Variants in NLGN2 observed in about 807,000 individuals in gnomAD.
NLGN2 encodes neuroligin-2.
Under a neutral mutation model 48.6 loss-of-function variants are expected in NLGN2, and 11 were observed. That is an observed-to-expected ratio of 0.23 (90% CI 0.14 to 0.37). The LOEUF (loss-of-function observed/expected upper bound fraction) is 0.37. NLGN2 is among the 10% of genes least tolerant of loss of function. The probability of loss-of-function intolerance (pLI) is 1.00; values close to 1 mark genes in which losing one functional copy is unlikely to be tolerated. For synonymous variants in NLGN2, 548 were observed against 550.0 expected, an observed-to-expected ratio of 1.00 and a Z score of 0.05; for missense variants, 801 against 1,225.2, an observed-to-expected ratio of 0.65 and a Z score of 5.17.
Position 7,415,758 on chromosome 17 carries a change from G to C in NLGN2, c.1285G>C (p.Glu429Gln). Residue 429 changes from glutamate (E) to glutamine (Q), a missense_variant, in exon 6 of 7, where the codon GAG becomes CAG. Around this residue, in one of 5 missense-constraint regions of NLGN2, gnomAD observed 303 missense variants for 600.1 expected, o/e 0.50. Transcript: ENST00000302926. ...GYPEGKDVLR[E>Q]TIKFMYTDWA... ...CCCGGAAGGCAAGGATGTGCTTCGG[G>C]AGACCATCAAGTTTATGTACACAGA... The C allele has an allele frequency of 6.2e-7, 1 of 1,614,246 alleles. No homozygotes were observed.
At chr17:7,414,274 T>A in intron 2 of NLGN2, 70 bp from the exon 3 acceptor site, 1 of 1,475,768 alleles carries the variant, frequency 6.8e-7, no homozygotes, top group Non-Finnish European at 9.4e-7. Flanking sequence ...AGCTGGGCGC[T>A]GCTGCTTCCG....
intron 2 of NLGN2, 41 bp from the exon 3 acceptor site, chr17:7,414,303 C>T (rs1424998808): frequency 1.3e-6 from 2 of 1,522,082 alleles, no homozygotes; most frequent in Non-Finnish European, 1.8e-6. Flanking sequence ...GTGTCCTTGT[C>T]CCTGACCCCC....
rs1426480598 is a variant in NLGN2 at position 7,411,718 on chromosome 17, C to T, written c.458-439C>T. 6.6e-6 allele frequency among the ~76,000 whole-genome samples: 1 copy of T among 152,198 alleles called. No individual in the cohort carries two copies. Among genetic ancestry groups the T allele is most frequent in the African/African-American group, 2.4e-5 (1 of 41,436 alleles). ...CTGAAGGGGGCCTTCTGAGAGGTGG[C>T]CTGGGTGGCAAGCTGGCCTTGGTCT... is the stretch of plus-strand genomic sequence containing the variant. On this transcript the variant is annotated intron_variant, in intron 1 of 6. Coordinates refer to ENST00000302926, the MANE Select transcript of NLGN2 (RefSeq NM_020795.4). This position sits in a 1 kb window ranked among gnomAD's most constrained non-coding sequence, Gnocchi z 4.5.
chr17:7,407,172 C>CTTCCCGTCT (rs1367670902), upstream of NLGN2, among the ~76,000 whole-genome samples: 1 of 152,208 alleles, frequency 6.6e-6, no homozygotes, highest in African/African-American at 2.4e-5. Flanking sequence ...AAGCCAGCCC[C>CTTCCCGTCT]TTCCCGTCTT....
chr17:7,417,330 T>G lies in NLGN2; in HGVS notation c.2039T>G (p.Val680Gly). Reference sequence around the variant, plus strand: ...TACTCCACGGAGCTGAGCGTCACCGTGGCCGTGGGTGCCTCCCTCCTCTTC... The same window carrying G: ...TACTCCACGGAGCTGAGCGTCACCGGGGCCGTGGGTGCCTCCCTCCTCTTC... Reference protein sequence around the residue: ...RDYSTELSVTVAVGASLLFLN... With the variant: ...RDYSTELSVTGAVGASLLFLN... Residue 680 changes from valine to glycine, a missense_variant, in exon 7 of 7, where the codon GTG (valine) becomes GGG (glycine). Physicochemically the swap from Val to Gly is moderately radical, Grantham distance 109 (BLOSUM62 -3). Around this residue, in one of 5 missense-constraint regions of NLGN2, gnomAD observed 276 missense variants for 313.9 expected, o/e 0.88. Transcript: ENST00000302926. 1 of 1,610,896 alleles carries G rather than the reference T, an allele frequency of 6.2e-7. No homozygotes were observed. Among genetic ancestry groups the G allele is most frequent in the Non-Finnish European group, 8.5e-7 (1 of 1,179,028 alleles).
chr17:7,416,779 GTC>G, intron 6 of NLGN2, 145 bp from the exon 7 acceptor site: 3 of 962,532 alleles, frequency 3.1e-6, no homozygotes, highest in Non-Finnish European at 4.8e-6. Context: ...ATCCATCTGT[GTC>G]TCTCTGCCTC....
Position 7,417,319 on chromosome 17 carries a change from G to A in NLGN2, c.2028G>A (p.Leu676=). The A allele has an allele frequency of 1.2e-6, 2 of 1,610,518 alleles. No individual in the cohort carries two copies. The change falls in exon 7 of 7, where the codon CTG becomes CTA. Residue 676 remains leucine, a synonymous_variant. Transcript: ENST00000302926. ...ACTCACGGGACTACTCCACGGAGCTGAGCGTCACCGTGGCCGTGGGTGCCT... is the reference window on the plus strand; with the variant it reads ...ACTCACGGGACTACTCCACGGAGCTAAGCGTCACCGTGGCCGTGGGTGCCT... The part of the protein sequence containing the change: ...PGDSRDYSTE[L]SVTVAVGASL...
intron 4 of NLGN2, 53 bp downstream of exon 4, chr17:7,414,901 C>A: frequency 4.3e-6 from 7 of 1,613,504 alleles, no homozygotes; most frequent in South Asian, 2.2e-5. Context: ...CCAACTCCCC[C>A]CTCTCCTTCA....
chr17:7,416,682 C>T (rs537459287), intron 6 of NLGN2, among the ~76,000 whole-genome samples: 13 of 152,224 alleles, frequency 8.5e-5, no homozygotes, highest in African/African-American at 3.1e-4. Context: ...GCCCCTCTGC[C>T]CGCATTTCTG....
upstream of NLGN2, among the ~76,000 whole-genome samples, chr17:7,404,665 G>T (rs1402306392): frequency 1.3e-5 from 2 of 151,658 alleles, no homozygotes; most frequent in African/African-American, 2.4e-5. Context: ...GACCGCGAGA[G>T]CCCCGAGGGT....
In NLGN2 at chr17:7,414,290, A is replaced by G. The variant is rs1907006915; in HGVS notation, c.509-54A>G. On this transcript the variant is annotated intron_variant, in intron 2 of 6. Transcript: ENST00000302926. ...GCTGGGCGCTGCTGCTTCCGGTCTGACTGTGTCCTTGTCCCTGACCCCCTG... is the reference window on the plus strand; with the variant it reads ...GCTGGGCGCTGCTGCTTCCGGTCTGGCTGTGTCCTTGTCCCTGACCCCCTG... 5.3e-6 allele frequency: 8 copies of G among 1,523,502 alleles called. No homozygotes were observed. In the East Asian group the frequency reaches 1.8e-4, roughly 35 times the overall value. 94.4% of individuals were successfully genotyped at this position (1,523,502 alleles called of 1,614,324 possible). A position where few individuals can be genotyped will look rare whatever the true frequency, so the allele number is the denominator to read the frequency against.
Position 7,417,808 on chromosome 17 carries a change from TG to T in NLGN2, c.*13del. On this transcript the variant is annotated 3_prime_UTR_variant, in exon 7 of 7. Coordinates refer to ENST00000302926, the MANE Select transcript of NLGN2 (RefSeq NM_020795.4). ...CCACCACTCGGGTATAGGGGGTGGG[TG>T]GGGAGGCCCTCCTCCCCGGCCCTCC... is the stretch of plus-strand genomic sequence containing the variant. The T allele has an allele frequency of 1.5e-6, 2 of 1,316,926 alleles. No homozygotes were observed. The highest frequency in any genetic ancestry group is 9.6e-7 in the Non-Finnish European group (1 of 1,042,030). The allele number at this position is 1,316,926 out of a possible 1,614,324, so 81.6% of individuals were successfully genotyped here.
rs1163468862 is a variant in NLGN2 at position 7,415,960 on chromosome 17, C to T, written c.1487C>T (p.Ala496Val). 2.5e-6 allele frequency: 4 copies of T among 1,614,152 alleles called. No homozygotes were observed. Among genetic ancestry groups the T allele is most frequent in the South Asian group, 1.1e-5 (1 of 91,088 alleles). The part of the protein sequence containing the change: ...HCQAEGRPEW[A>V]DAAHGDELPY... ...CAGGCGGAGGGCCGGCCTGAGTGGGCAGATGCGGCGCACGGGGATGAACTG... is the reference window on the plus strand; with the variant it reads ...CAGGCGGAGGGCCGGCCTGAGTGGGTAGATGCGGCGCACGGGGATGAACTG... The change falls in exon 6 of 7, where the codon GCA becomes GTA. Residue 496 changes from alanine (A) to valine (V), a missense_variant. By Grantham distance (64) the Ala-to-Val change is moderately conservative. Coordinates refer to ENST00000302926, the MANE Select transcript of NLGN2 (RefSeq NM_020795.4).
chr17:7,414,307 G>GT, intron 2 of NLGN2, 37 bp from the exon 3 acceptor site: 1 of 1,502,152 alleles, frequency 6.7e-7, no homozygotes, highest in Non-Finnish European at 8.9e-7. Context: ...CCTTGTCCCT[G>GT]ACCCCCTGGC....
In NLGN2 at chr17:7,408,422, G is replaced by T. The variant is rs748193697; in HGVS notation, c.167G>T (p.Arg56Leu). The change falls in exon 1 of 7, where the codon CGC becomes CTC. Residue 56 changes from arginine to leucine, a missense_variant. Coordinates refer to ENST00000302926, the MANE Select transcript of NLGN2 (RefSeq NM_020795.4). The surrounding 1 kb of genome is among the most constrained non-coding windows in gnomAD (Gnocchi z 7.5). ...TAYGRVRGVR[R>L]ELNNEILGPV... ...TACGGGCGAGTGCGCGGTGTGCGGC[G>T]CGAGCTCAACAACGAGATCCTGGGC... is the stretch of plus-strand genomic sequence containing the variant. The T allele has an allele frequency of 1.3e-6, 2 of 1,568,856 alleles. No individual in the cohort carries two copies. The highest frequency in any genetic ancestry group is 2.3e-5 in the South Asian group (2 of 86,326).
At position 7,408,377 on chromosome 17, in the gene NLGN2, T is replaced by C; in HGVS notation, c.122T>C (p.Phe41Ser). Residue 41 changes from phenylalanine to serine, a missense_variant, in exon 1 of 7, where the codon TTC becomes TCC. Physicochemically the swap from Phe to Ser is radical, Grantham distance 155 (BLOSUM62 -2). Around this residue, in one of 5 missense-constraint regions of NLGN2, gnomAD observed 164 missense variants for 186.2 expected, o/e 0.88. Coordinates refer to ENST00000302926, the MANE Select transcript of NLGN2 (RefSeq NM_020795.4). The surrounding 1 kb of genome is among the most constrained non-coding windows in gnomAD (Gnocchi z 7.5). ...CTCGGCAGCCTCGGCGAGGAGCGCT[T>C]CCCGGTGGTGAACACGGCCTACGGG... ...LGLGSLGEER[F>S]PVVNTAYGRV... 1 of 1,523,008 alleles carries C rather than the reference T, an allele frequency of 6.6e-7. No homozygotes were observed. The highest frequency in any genetic ancestry group is 8.8e-7 in the Non-Finnish European group (1 of 1,140,368). 94.3% of individuals were successfully genotyped at this position (1,523,008 alleles called of 1,614,324 possible). A position where few individuals can be genotyped will look rare whatever the true frequency, so the allele number is the denominator to read the frequency against.
upstream of NLGN2, among the ~76,000 whole-genome samples, chr17:7,407,270 G>A (rs1906684488): frequency 6.6e-6 from 1 of 152,180 alleles, no homozygotes; most frequent in Admixed American, 6.5e-5. Flanking sequence ...GCAACCGGCT[G>A]CAGGATCACG....
chr17:7,408,315 TCCCGGCGGCGGCGCCCCGGGCGGC>T lies in NLGN2; in HGVS notation c.67_90del (p.Gly23_Gly30del). The T allele has an allele frequency of 7.5e-7, 1 of 1,341,448 alleles. No homozygotes were observed. 83.1% of individuals were successfully genotyped at this position (1,341,448 alleles called of 1,614,324 possible). On this transcript the variant is annotated inframe_deletion, in exon 1 of 7. Transcript: ENST00000302926. The surrounding 1 kb of genome is among the most constrained non-coding windows in gnomAD (Gnocchi z 7.5). ...CGGGGGCTCAACGCGGGGGAGGGGG[TCCCGGCGGCGGCGCCCCGGGCGGC>T]CCCGGCCTGGGCCTCGGCAGCCTCG...
rs565463784 is a variant in NLGN2 at position 7,408,735 on chromosome 17, G to A, written c.457+23G>A. Reference sequence around the variant, plus strand: ...ACGGTAAGGGCGCGGGCACAAAGCCGGGCACCCCGTGGACACAGCCCACAA... The same window carrying A: ...ACGGTAAGGGCGCGGGCACAAAGCCAGGCACCCCGTGGACACAGCCCACAA... On this transcript the variant is annotated intron_variant, in intron 1 of 6. Transcript: ENST00000302926. This position sits in a 1 kb window ranked among gnomAD's most constrained non-coding sequence, Gnocchi z 7.5. The A allele has an allele frequency of 5.6e-6, 9 of 1,611,860 alleles. No individual in the cohort carries two copies. The East Asian group carries it at 6.7e-5, about 12-fold the overall frequency.
Sources: allele counts gnomAD v4.1 joint callset (sites outside exome capture counted in the v4.1 genomes callset), GRCh38; gene constraint gnomAD v4.1.1; regional missense constraint gnomAD v4.1.1; non-coding constraint Gnocchi (gnomAD v3.1); transcripts MANE v1.5; gene names NCBI Gene and HGNC (gene_info 2026-07-23, HGNC 2026-07-21).